ZNF91: variants seen among roughly 807,000 people sequenced by gnomAD.
ZNF91 encodes zinc finger protein 91 (HPF7, HTF10).
A neutral mutation model predicts 12.6 loss-of-function variants in ZNF91; 7 were observed. The observed-to-expected ratio is 0.55, with a 90% CI of 0.31 to 1.04. ZNF91 has a LOEUF of 1.04. Among genes scored for constraint, ZNF91 ranks in the 50% least tolerant of loss-of-function variants. The probability of loss-of-function intolerance (pLI) is 0.05; values close to 1 mark genes in which losing one functional copy is unlikely to be tolerated. For missense variants in ZNF91, 1,217 were observed against 1,385.4 expected, an observed-to-expected ratio of 0.88 and a Z score of 1.93; for synonymous variants, 453 against 462.6, an observed-to-expected ratio of 0.98 and a Z score of 0.27.
At chr19:23,345,693 C>A (rs1968210645) in intron 3 of ZNF91, among the ~76,000 whole-genome samples, 1 of 152,062 alleles carries the variant, frequency 6.6e-6, no homozygotes, top group Non-Finnish European at 1.5e-5. Flanking sequence ...CTTTCACCCC[C>A]AAGCCTTTTC....
intron 3 of ZNF91, among the ~76,000 whole-genome samples, chr19:23,364,394 G>A (rs949986863): frequency 7.2e-5 from 11 of 152,184 alleles, no homozygotes; most frequent in East Asian, 1.9e-4. Flanking sequence ...GTGGTGAGCC[G>A]AGATCGCGCC....
At chr19:23,323,053 CCTT>C (rs1012183002) in intron 1 of ZNF91, among the ~76,000 whole-genome samples, 6 of 104,104 alleles carry the variant, frequency 5.8e-5, no homozygotes, top group East Asian at 2.9e-4. Flanking sequence ...GTTTCCTCCT[CCTT>C]TCCTCATCCT....
At position 23,359,514 on chromosome 19, in the gene ZNF91, A is replaced by G. The variant is rs373304161; in HGVS notation, c.3465T>C (p.Ile1155=). ...QSSILTNHKK[I]HTITPVIPLL... ...GTGGGATTACAGGTGTGATAGTATGAATTTTCTTATGGTTAGTAAGGATTG... is the reference window on the plus strand; with the variant it reads ...GTGGGATTACAGGTGTGATAGTATGGATTTTCTTATGGTTAGTAAGGATTG... The change falls in exon 4 of 4, where the codon ATT becomes ATC. Residue 1155 remains isoleucine, a synonymous_variant. Transcript: ENST00000300619. 6 of 1,613,664 alleles carry G rather than the reference A, an allele frequency of 3.7e-6. No homozygotes were observed. The African/African-American group carries it at 8.0e-5, about 22-fold the overall frequency.
intron 1 of ZNF91, among the ~76,000 whole-genome samples, chr19:23,384,005 G>A (rs1342115752): frequency 6.6e-6 from 1 of 152,086 alleles, no homozygotes; most frequent in Non-Finnish European, 1.5e-5. Flanking sequence ...AGCTACTCAC[G>A]AGGCTGAGAC....
In ZNF91 at chr19:23,361,810, A is replaced by G. The variant is rs1968787566; in HGVS notation, c.1169T>C (p.Leu390Pro). The stretch of plus-strand genomic sequence containing the variant: ...TATTTTATGTTTAGTAAGGGTTGAG[A>G]GTCGCTTAAAAGCTTTGTCACATTC... ...CKECDKAFKR[L>P]STLTKHKIIH... Residue 390 changes from leucine (L) to proline (P), a missense_variant, in exon 4 of 4, where the codon CTC becomes CCC. Around this residue, in one of 2 missense-constraint regions of ZNF91, gnomAD observed 726 missense variants for 895.5 expected, o/e 0.81. Transcript: ENST00000300619. 1.2e-6 allele frequency: 2 copies of G among 1,605,728 alleles called. No individual in the cohort carries two copies. The highest frequency in any genetic ancestry group is 1.1e-5 in the South Asian group (1 of 90,826).
chr19:23,336,990 T>C (rs1344414539), downstream of ZNF91, among the ~76,000 whole-genome samples: 5 of 152,206 alleles, frequency 3.3e-5, no homozygotes, highest in Non-Finnish European at 7.3e-5. Context: ...TTGTGTTTAA[T>C]TTATTTATAC....
chr19:23,360,401 C>T lies in ZNF91; in HGVS notation c.2578G>A (p.Gly860Ser). 1.2e-6 allele frequency: 2 copies of T among 1,614,064 alleles called. No individual in the cohort carries two copies. The highest frequency in any genetic ancestry group is 1.7e-6 in the Non-Finnish European group (2 of 1,180,010). ...TTTGAAGATTGATTAAAAGCTTTGC[C>T]ACATTCCTCACATTTGTAGAGTTTC... ...GEKLYKCEECGKAFNQSSNLT... is the reference protein window; with the variant it reads ...GEKLYKCEECSKAFNQSSNLT... The change falls in exon 4 of 4, where the codon GGC (glycine) becomes AGC (serine). Residue 860 changes from glycine (G) to serine (S), a missense_variant. Physicochemically the swap from Gly to Ser is moderately conservative, Grantham distance 56. This residue lies in a region of ZNF91 where 491 missense variants were observed against 489.8 expected (regional missense o/e 1.00). Transcript: ENST00000300619.
intron 3 of ZNF91, among the ~76,000 whole-genome samples, chr19:23,365,036 G>C (rs1343120312): frequency 6.6e-6 from 1 of 151,656 alleles, no homozygotes; most frequent in Admixed American, 6.6e-5. Flanking sequence ...TTAAAACATG[G>C]AATGTAAACT....
At chr19:23,372,496 C>A (rs8104071) in intron 3 of ZNF91, among the ~76,000 whole-genome samples, 2 of 151,644 alleles carry the variant, frequency 1.3e-5, no homozygotes, top group South Asian at 2.1e-4. Flanking sequence ...AGCCCAAGAT[C>A]GAAGGTAATC....
chr19:23,316,236 A>C (rs529259196), intron 1 of ZNF91, among the ~76,000 whole-genome samples: 3 of 149,704 alleles, frequency 2.0e-5, no homozygotes, highest in South Asian at 4.2e-4. Context: ...CCCAATACCT[A>C]GAAAATGGAA....
At chr19:23,392,362 C>G (rs1305113218) in intron 1 of ZNF91, among the ~76,000 whole-genome samples, 1 of 144,832 alleles carries the variant, frequency 6.9e-6, no homozygotes, top group African/African-American at 2.6e-5. Flanking sequence ...CACTACTGCA[C>G]TCCAGCCTGG....
chr19:23,388,015 G>A (rs181386659), intron 1 of ZNF91, among the ~76,000 whole-genome samples: 95 of 151,262 alleles, frequency 6.3e-4, no homozygotes, highest in South Asian at 2.1e-4. Flanking sequence ...GGAGGCAGAG[G>A]TGGGCAGATC....
intron 1 of ZNF91, among the ~76,000 whole-genome samples, chr19:23,317,174 T>C (rs1967581570): frequency 6.6e-6 from 1 of 152,248 alleles, no homozygotes; most frequent in East Asian, 1.9e-4. Flanking sequence ...GCCTCCCATG[T>C]AGCTGGGACT....
At chr19:23,385,323 G>A in intron 1 of ZNF91, 1 of 436,072 alleles carries the variant, frequency 2.3e-6, no homozygotes, top group East Asian at 3.5e-5. Flanking sequence ...CTTTGGGGTA[G>A]AAGGTACAAA....
intron 1 of ZNF91, among the ~76,000 whole-genome samples, chr19:23,319,597 T>C (rs189066460): frequency 5.9e-5 from 9 of 152,348 alleles, no homozygotes; most frequent in Admixed American, 5.9e-4. Flanking sequence ...ACCTAGGACA[T>C]GTGACTCTTC....
chr19:23,359,155 A>G lies in ZNF91; in HGVS notation c.*248T>C. 1.9e-6 allele frequency: 1 copy of G among 528,674 alleles called. No homozygotes were observed. Among genetic ancestry groups the G allele is most frequent in the Non-Finnish European group, 3.5e-6 (1 of 283,814 alleles). 32.7% of individuals were successfully genotyped at this position (528,674 alleles called of 1,614,324 possible). A position where few individuals can be genotyped will look rare whatever the true frequency, so the allele number is the denominator to read the frequency against. On this transcript the variant is annotated 3_prime_UTR_variant, in exon 4 of 4. Transcript: ENST00000300619. ...AGTATGAATTACCTTATGTTTAGTA[A>G]AGGTTGAAGACCGGTTAAAAGATTT...
intron 3 of ZNF91, among the ~76,000 whole-genome samples, chr19:23,366,734 A>C (rs1290536308): frequency 6.6e-5 from 10 of 152,218 alleles, no homozygotes; most frequent in Non-Finnish European, 1.5e-4. Flanking sequence ...TAAAGTGCAC[A>C]CATTTTGATT....
At chr19:23,323,411 T>TTCC (rs139825967) in intron 1 of ZNF91, among the ~76,000 whole-genome samples, 42,419 of 147,556 alleles carry the variant, frequency 0.29, 6,470 homozygotes, top group East Asian at 0.38. Flanking sequence ...CTTTTCTTTG[T>TTCC]TCCTACTTTC....
intron 1 of ZNF91, among the ~76,000 whole-genome samples, chr19:23,393,050 T>G (rs1425649354): frequency 6.6e-6 from 1 of 152,040 alleles, no homozygotes; most frequent in East Asian, 1.9e-4. Context: ...TTTGGTTTTT[T>G]GGGTTTTTTT....
Sources: allele counts gnomAD v4.1 joint callset (sites outside exome capture counted in the v4.1 genomes callset), GRCh38; gene constraint gnomAD v4.1.1; regional missense constraint gnomAD v4.1.1; transcripts MANE v1.5; gene names NCBI Gene and HGNC (gene_info 2026-07-23, HGNC 2026-07-21).